The following DYM variants were observed in gnomAD, a reference collection of about 807,000 sequenced individuals.
DYM encodes dymeclin.
A neutral mutation model predicts 93.1 loss-of-function variants in DYM; 78 were observed. The observed-to-expected ratio is 0.84, with a 90% CI of 0.70 to 1.01. The LOEUF (loss-of-function observed/expected upper bound fraction) is 1.01. Among genes scored for constraint, DYM ranks in the 50% least tolerant of loss-of-function variants. The pLI is 0.00. For synonymous variants in DYM, 321 were observed against 319.7 expected, an observed-to-expected ratio of 1.00 and a Z score of -0.04; for missense variants, 789 against 845.0, an observed-to-expected ratio of 0.93 and a Z score of 0.82.
intron 17 of DYM, among the ~76,000 whole-genome samples, chr18:49,046,741 A>C (rs1194772861): frequency 6.6e-6 from 1 of 152,138 alleles, no homozygotes; most frequent in East Asian, 1.9e-4. Flanking sequence ...CTTTACAAAA[A>C]ATTTAAAAAT....
At chr18:49,195,709 T>C (rs906535054) in intron 14 of DYM, among the ~76,000 whole-genome samples, 3 of 152,152 alleles carry the variant, frequency 2.0e-5, no homozygotes, top group African/African-American at 7.2e-5. Flanking sequence ...ACTGCCTTGA[T>C]GGTCATGGTT....
chr18:49,307,998 A>C (rs2061369763), intron 8 of DYM, among the ~76,000 whole-genome samples: 1 of 152,176 alleles, frequency 6.6e-6, no homozygotes, highest in Admixed American at 6.5e-5. Context: ...AAATACTGCA[A>C]TATGCAATTT....
chr18:49,187,930 T>C (rs181554839), intron 14 of DYM, among the ~76,000 whole-genome samples: 260 of 152,250 alleles, frequency 1.7e-3, no homozygotes, highest in Middle Eastern at 3.4e-3. Flanking sequence ...ATATCAAACT[T>C]CCACACGTTA....
chr18:49,204,653 C>T (rs756726206), intron 14 of DYM, among the ~76,000 whole-genome samples: 10 of 152,178 alleles, frequency 6.6e-5, no homozygotes, highest in Non-Finnish European at 1.3e-4. Context: ...CACTTAAATG[C>T]ATGACAGTCA....
chr18:49,404,519 T>G (rs1051610484), intron 2 of DYM, among the ~76,000 whole-genome samples: 2 of 152,242 alleles, frequency 1.3e-5, no homozygotes, highest in Non-Finnish European at 2.9e-5. Context: ...GTGGCTGAAC[T>G]AATTTACATT....
chr18:49,393,049 AGG>A (rs1163128088), intron 2 of DYM, among the ~76,000 whole-genome samples: 24 of 71,870 alleles, frequency 3.3e-4, no homozygotes, highest in South Asian at 6.0e-4. Context: ...GAGGAGGAGG[AGG>A]GGAGGAGGGG....
intron 6 of DYM, among the ~76,000 whole-genome samples, chr18:49,349,524 T>C (rs7239158): frequency 0.59 from 89,103 of 151,978 alleles, 26,747 homozygotes; most frequent in Non-Finnish European, 0.66. Flanking sequence ...AAATGTTGCA[T>C]TCATAAAACA....
intron 14 of DYM, chr18:49,206,472 C>G (rs1325148318): frequency 1.3e-5 from 2 of 152,194 alleles, no homozygotes; most frequent in African/African-American, 4.8e-5. Context: ...TGAAGAAAAT[C>G]TCTCACCTGC....
intron 15 of DYM, among the ~76,000 whole-genome samples, chr18:49,128,111 C>T (rs1599947765): frequency 1.3e-5 from 2 of 152,202 alleles, no homozygotes; most frequent in African/African-American, 2.4e-5. Context: ...GCTAAAGCCA[C>T]GTTTTTCCAC....
chr18:49,097,576 G>A (rs894080319), intron 16 of DYM, 61 bp from the exon 17 acceptor site: 17 of 1,382,848 alleles, frequency 1.2e-5, no homozygotes, highest in African/African-American at 9.9e-5. Flanking sequence ...TTTAGTAGCC[G>A]CCTTTCTCAC....
intron 8 of DYM, among the ~76,000 whole-genome samples, chr18:49,288,572 A>G (rs2059814548): frequency 6.6e-6 from 1 of 152,152 alleles, no homozygotes; most frequent in Admixed American, 6.5e-5. Context: ...TGAGGTCAGG[A>G]GTTCGAGACC....
chr18:49,246,856 G>A (rs1488266179), intron 13 of DYM, among the ~76,000 whole-genome samples: 1 of 152,190 alleles, frequency 6.6e-6, no homozygotes, highest in Non-Finnish European at 1.5e-5. Flanking sequence ...ACCTAGAGCA[G>A]TATCAACTGG....
chr18:49,351,814 G>C (rs1402464125), intron 6 of DYM, among the ~76,000 whole-genome samples: 1 of 152,144 alleles, frequency 6.6e-6, no homozygotes, highest in East Asian at 1.9e-4. Flanking sequence ...AGCTACATGA[G>C]AATGTGCTAC....
chr18:49,288,928 A>G (rs1166642896), intron 8 of DYM, among the ~76,000 whole-genome samples: 1 of 152,230 alleles, frequency 6.6e-6, no homozygotes, highest in Non-Finnish European at 1.5e-5. Context: ...TACATGAAAA[A>G]AATACATAAG....
At chr18:49,194,085 C>G (rs574301193) in intron 14 of DYM, among the ~76,000 whole-genome samples, 1 of 152,124 alleles carries the variant, frequency 6.6e-6, no homozygotes, top group Non-Finnish European at 1.5e-5. Context: ...TCTCCATATA[C>G]GGAAACCCTG....
At chr18:49,048,927 A>G (rs2144273948) in intron 17 of DYM, among the ~76,000 whole-genome samples, 1 of 152,354 alleles carries the variant, frequency 6.6e-6, no homozygotes, top group South Asian at 2.1e-4. Context: ...AGCAACAGAG[A>G]TCTTTCCTCT....
At chr18:49,231,194 T>C (rs2093684362) in intron 13 of DYM, among the ~76,000 whole-genome samples, 1 of 152,214 alleles carries the variant, frequency 6.6e-6, no homozygotes, top group South Asian at 2.1e-4. Flanking sequence ...TGCGCTTATG[T>C]ATGCATATAT....
chr18:49,428,544 G>A (rs2074517925), intron 2 of DYM, among the ~76,000 whole-genome samples: 1 of 152,166 alleles, frequency 6.6e-6, no homozygotes, highest in Non-Finnish European at 1.5e-5. Flanking sequence ...AATTAGCCAT[G>A]CATGAAGGCA....
intron 15 of DYM, among the ~76,000 whole-genome samples, chr18:49,144,905 T>C (rs909338520): frequency 1.2e-4 from 18 of 151,560 alleles, no homozygotes; most frequent in African/African-American, 4.4e-4. Flanking sequence ...CAGACCAGCC[T>C]GGGCAACACA....
Sources: allele counts gnomAD v4.1 joint callset (sites outside exome capture counted in the v4.1 genomes callset), GRCh38; gene constraint gnomAD v4.1.1; transcripts MANE v1.5; gene names NCBI Gene and HGNC (gene_info 2026-07-23, HGNC 2026-07-21).